Variants in CTBS observed in about 807,000 individuals in gnomAD.
The protein encoded by CTBS is chitobiase, also known as di-N-acetylchitobiase.
CTBS carries 35 observed loss-of-function variants against 44.3 expected under a neutral mutation model. The ratio of observed to expected loss-of-function variants is 0.79; its 90% confidence interval spans 0.60 to 1.05. The LOEUF is 1.05. Ranked by LOEUF, CTBS falls within the 50% of genes least tolerant of loss-of-function variation. The pLI, the probability that CTBS is intolerant of heterozygous loss-of-function variation, is 0.00. For missense variants in CTBS, 458 were observed against 475.3 expected (o/e 0.96, Z 0.34); for synonymous variants, 143 against 168.0 (o/e 0.85, Z 1.15).
At chr1:84,556,852 T>C (rs1684446348) in intron 6 of CTBS, among the ~76,000 whole-genome samples, 1 of 152,184 alleles carries the variant, frequency 6.6e-6, no homozygotes, top group Admixed American at 6.5e-5. Flanking sequence ...TTTAACATTT[T>C]TAGAACTAGA....
At position 84,554,799 on chromosome 1, in the gene CTBS, ACTTG is replaced by A; in HGVS notation, c.*196_*199del. 2.0e-6 allele frequency: 1 copy of A among 498,184 alleles called. No homozygotes were observed. The highest frequency in any genetic ancestry group is 3.5e-6 in the Non-Finnish European group (1 of 283,676). 30.9% of individuals were successfully genotyped at this position (498,184 alleles called of 1,614,324 possible). A position where few individuals can be genotyped will look rare whatever the true frequency, so the allele number is the denominator to read the frequency against. On this transcript the variant is annotated 3_prime_UTR_variant, in exon 7 of 7. Transcript: ENST00000370630. The stretch of plus-strand genomic sequence containing the variant: ...AGAGGAATATTTAATAGGTAAGTTG[ACTTG>A]CTTCTTGCCTTTATGTTCCTGGATA...
At chr1:84,572,582 TCTTTGAATAGTTG>T (rs1647344190) in intron 1 of CTBS, among the ~76,000 whole-genome samples, 1 of 151,976 alleles carries the variant, frequency 6.6e-6, no homozygotes, top group Non-Finnish European at 1.5e-5. Context: ...TAATTTTGCT[TCTTTGAATAGTTG>T]GTTTTCAAAG....
intron 1 of CTBS, among the ~76,000 whole-genome samples, chr1:84,571,430 A>G (rs947323608): frequency 1.3e-5 from 2 of 152,190 alleles, no homozygotes; most frequent in Non-Finnish European, 2.9e-5. Flanking sequence ...CCATAAATAC[A>G]TTTACTGTTT....
chr1:84,552,883 T>C lies in CTBS; in HGVS notation c.*2116A>G, dbSNP rs1302468898. The stretch of plus-strand genomic sequence containing the variant: ...AAACAGCATTCATAATCTACACATT[T>C]ACTGTAGTAATCCAGTGGGAGTTGA... On this transcript the variant is annotated 3_prime_UTR_variant, in exon 7 of 7. Coordinates refer to ENST00000370630, the MANE Select transcript of CTBS (RefSeq NM_004388.3). 2 of 580,556 alleles carry C rather than the reference T, an allele frequency of 3.4e-6. No homozygotes were observed. Among genetic ancestry groups the C allele is most frequent in the Non-Finnish European group, 6.1e-6 (2 of 328,748 alleles). 36.0% of individuals were successfully genotyped at this position (580,556 alleles called of 1,614,324 possible). A position where few individuals can be genotyped will look rare whatever the true frequency, so the allele number is the denominator to read the frequency against.
intron 6 of CTBS, chr1:84,555,851 G>A (rs573584174): frequency 6.6e-6 from 1 of 152,322 alleles, no homozygotes; most frequent in African/African-American, 2.4e-5. Context: ...CAAAGTTAAG[G>A]GGAATCAATG....
chr1:84,557,146 G>C (rs1291355113), intron 6 of CTBS, among the ~76,000 whole-genome samples: 1 of 152,206 alleles, frequency 6.6e-6, no homozygotes. Flanking sequence ...TTGAGTCCAA[G>C]ATGAGCTGCT....
intron 1 of CTBS, among the ~76,000 whole-genome samples, chr1:84,572,770 C>G (rs1647352372): frequency 6.6e-6 from 1 of 151,864 alleles, no homozygotes; most frequent in East Asian, 1.9e-4. Flanking sequence ...GCTCCGCCTC[C>G]CAGGTTCAAG....
chr1:84,569,704 T>TGGG lies in CTBS; in HGVS notation c.525+224_525+226dup, dbSNP rs1410625945. ...TCTAACTGTGCTACAAGGCAAGTAG[T>TGGG]GGGGGTAATCCCAGTGTTGTATTTT... On this transcript the variant is annotated intron_variant, in intron 3 of 6. Transcript: ENST00000370630. 3.9e-5 allele frequency among the ~76,000 whole-genome samples: 6 copies of TGGG among 152,218 alleles called. No homozygotes were observed. In the South Asian group the frequency reaches 1.2e-3, roughly 31 times the overall value.
At position 84,554,215 on chromosome 1, in the gene CTBS, G is replaced by C. The variant is rs1225288287; in HGVS notation, c.*784C>G. ...TAAATTATATATGTCCATAAATGAA[G>C]AAATGAATAATTAGAAGTGTGACAG... On this transcript the variant is annotated 3_prime_UTR_variant, in exon 7 of 7. Coordinates refer to ENST00000370630, the MANE Select transcript of CTBS (RefSeq NM_004388.3). The C allele has an allele frequency of 6.6e-6, 1 of 151,600 alleles. No individual in the cohort carries two copies. The highest frequency in any genetic ancestry group is 1.5e-5 in the Non-Finnish European group (1 of 67,998). 9.4% of individuals were successfully genotyped at this position (151,600 alleles called of 1,614,324 possible). A position where few individuals can be genotyped will look rare whatever the true frequency, so the allele number is the denominator to read the frequency against.
rs528891621 is a variant in CTBS, at chr1:84,558,193, A to G, written c.958-2994T>C. 1.1e-4 allele frequency among the ~76,000 whole-genome samples: 16 copies of G among 152,306 alleles called. No individual in the cohort carries two copies. The South Asian group carries it at 3.3e-3, about 32-fold the overall frequency. On this transcript the variant is annotated intron_variant, in intron 6 of 6. Coordinates refer to ENST00000370630, the MANE Select transcript of CTBS (RefSeq NM_004388.3). ...TAAAAAATGGTATGTGAGGTAATACATATGTTAAATAACTTGATTTAGCCA... is the reference window on the plus strand; with the variant it reads ...TAAAAAATGGTATGTGAGGTAATACGTATGTTAAATAACTTGATTTAGCCA...
Position 84,553,679 on chromosome 1 carries a change from T to C in CTBS, c.*1320A>G, listed in dbSNP as rs1684342126. On this transcript the variant is annotated 3_prime_UTR_variant, in exon 7 of 7. Coordinates refer to ENST00000370630, the MANE Select transcript of CTBS (RefSeq NM_004388.3). ...GACAACAGTGATCCAACATATACTA[T>C]GAAAATGGTTTTTACTCTGTCACAA... 1 of 152,152 alleles carries C rather than the reference T, an allele frequency of 6.6e-6. No homozygotes were observed. Among genetic ancestry groups the C allele is most frequent in the Admixed American group, 6.6e-5 (1 of 15,266 alleles). The allele number at this position is 152,152 out of a possible 1,614,324, so 9.4% of individuals were successfully genotyped here. A position where few individuals can be genotyped will look rare whatever the true frequency, so the allele number is the denominator to read the frequency against.
rs1245684140 is a variant in CTBS, at chr1:84,551,105, A to G, written c.*3894T>C. 1 of 985,170 alleles carries G rather than the reference A, an allele frequency of 1.0e-6. No individual in the cohort carries two copies. The highest frequency in any genetic ancestry group is 1.7e-5 in the African/African-American group (1 of 57,230). 61.0% of individuals were successfully genotyped at this position (985,170 alleles called of 1,614,324 possible). ...ATTTGGTGAGAATTGTGTACAACTA[A>G]TTACATCATAGAAATTATCTGTGAA... is the stretch of plus-strand genomic sequence containing the variant. On this transcript the variant is annotated 3_prime_UTR_variant, in exon 7 of 7. Transcript: ENST00000370630.
In CTBS at chr1:84,551,353, G is replaced by A. The variant is rs1306863583; in HGVS notation, c.*3646C>T. 7 of 826,086 alleles carry A rather than the reference G, an allele frequency of 8.5e-6. No homozygotes were observed. The highest frequency in any genetic ancestry group is 1.3e-4 in the Admixed American group (2 of 15,936). 51.2% of individuals were successfully genotyped at this position (826,086 alleles called of 1,614,324 possible). Reference sequence around the variant, plus strand: ...AAAAAAGAAAATCAGTACTGTCCTCGGTTTCAGATAAAAATAAAAATAAAT... The same window carrying A: ...AAAAAAGAAAATCAGTACTGTCCTCAGTTTCAGATAAAAATAAAAATAAAT... On this transcript the variant is annotated 3_prime_UTR_variant, in exon 7 of 7. Transcript: ENST00000370630.
intron 4 of CTBS, among the ~76,000 whole-genome samples, chr1:84,564,313 G>A (rs995620960): frequency 1.3e-5 from 2 of 152,026 alleles, no homozygotes; most frequent in African/African-American, 4.8e-5. Flanking sequence ...ATCTATAGTG[G>A]GAGGAAACAA....
intron 3 of CTBS, among the ~76,000 whole-genome samples, chr1:84,568,586 AAGCTC>A (rs1483095647): frequency 6.6e-6 from 1 of 152,150 alleles, no homozygotes; most frequent in Non-Finnish European, 1.5e-5. Flanking sequence ...ACAGTTCTCT[AAGCTC>A]TATCCCAGAC....
chr1:84,570,250 A>G, intron 2 of CTBS, 111 bp from the exon 3 acceptor site: 1 of 823,514 alleles, frequency 1.2e-6, no homozygotes, highest in Non-Finnish European at 1.9e-6. Context: ...TACCAAAGTA[A>G]CAGAAAGCCA....
intron 1 of CTBS, among the ~76,000 whole-genome samples, chr1:84,572,199 T>A (rs987371689): frequency 6.6e-6 from 1 of 152,172 alleles, no homozygotes; most frequent in Non-Finnish European, 1.5e-5. Context: ...GCTGTAAAAG[T>A]TAAACCAGGC....
At chr1:84,570,261 T>C in intron 2 of CTBS, 122 bp from the exon 3 acceptor site, 2 of 771,932 alleles carry the variant, frequency 2.6e-6, no homozygotes, top group South Asian at 1.7e-5. Context: ...CAGAAAGCCA[T>C]TACTCATGAA....
In CTBS at chr1:84,553,019, GTA is replaced by G. The variant is rs770530864; in HGVS notation, c.*1978_*1979del. On this transcript the variant is annotated 3_prime_UTR_variant, in exon 7 of 7. Transcript: ENST00000370630. ...GTATGATGAAGTTCATTTTTGAAAA[GTA>G]ATTCTTTTTATAGATGAGAAAACAA... 1 of 1,478,654 alleles carries G rather than the reference GTA, an allele frequency of 6.8e-7. No homozygotes were observed. Among genetic ancestry groups the G allele is most frequent in the South Asian group, 1.3e-5 (1 of 76,474 alleles). The allele number at this position is 1,478,654 out of a possible 1,614,324, so 91.6% of individuals were successfully genotyped here.
Sources: gnomAD v4.1 joint callset for allele counts (sites outside exome capture counted in the v4.1 genomes callset) on GRCh38, gnomAD v4.1.1 for gene constraint, MANE v1.5 for transcripts, NCBI Gene and HGNC (gene_info 2026-07-23, HGNC 2026-07-21) for gene names.